The following DDAH1 variants were observed in gnomAD, a reference collection of about 807,000 sequenced individuals.
DDAH1 encodes N(G),N(G)-dimethylarginine dimethylaminohydrolase 1.
In DDAH1, 19 loss-of-function variants were observed where a neutral mutation model predicts 28.8. The ratio of observed to expected loss-of-function variants is 0.66; its 90% CI spans 0.46 to 0.97. The LOEUF (loss-of-function observed/expected upper bound fraction) is 0.97, where lower values mean the gene tolerates loss of function less well. Ranked by LOEUF, DDAH1 falls within the 50% of genes least tolerant of loss-of-function variation. DDAH1 has a pLI of 0.00. For synonymous variants in DDAH1, 153 were observed against 154.4 expected, an observed-to-expected ratio of 0.99 and a Z score of 0.07; for missense variants, 326 against 375.9, an observed-to-expected ratio of 0.87 and a Z score of 1.10.
At chr1:85,503,542 T>C (rs149801162) in intron 1 of DDAH1, among the ~76,000 whole-genome samples, 1 of 149,184 alleles carries the variant, frequency 6.7e-6, no homozygotes, top group Admixed American at 6.7e-5. Flanking sequence ...TCTATCTATC[T>C]ATCTATCTAT....
chr1:85,384,143 TG>T (rs1651135265), intron 1 of DDAH1, among the ~76,000 whole-genome samples: 1 of 152,232 alleles, frequency 6.6e-6, no homozygotes, highest in African/African-American at 2.4e-5. Context: ...CTCTCCTTTC[TG>T]GCTTTTAGGA....
At chr1:85,448,408 G>C (rs190563480) in intron 1 of DDAH1, among the ~76,000 whole-genome samples, 1 of 152,282 alleles carries the variant, frequency 6.6e-6, no homozygotes, top group East Asian at 1.9e-4. Context: ...GAGAGGTTCT[G>C]AAAATCTGGT....
intron 4 of DDAH1, among the ~76,000 whole-genome samples, chr1:85,328,290 T>C (rs1647537172): frequency 6.6e-6 from 1 of 152,184 alleles, no homozygotes; most frequent in Admixed American, 6.5e-5. Flanking sequence ...AGAAAAACTT[T>C]TGTGTATATC....
At chr1:85,366,423 T>C (rs1421111760) in intron 1 of DDAH1, among the ~76,000 whole-genome samples, 1 of 152,156 alleles carries the variant, frequency 6.6e-6, no homozygotes, top group Non-Finnish European at 1.5e-5. Flanking sequence ...TTTCCAAACA[T>C]ATGGGTTTAT....
intron 1 of DDAH1, among the ~76,000 whole-genome samples, chr1:85,461,160 G>T (rs566157222): frequency 7.9e-5 from 12 of 152,242 alleles, no homozygotes; most frequent in Admixed American, 1.3e-4. Context: ...TAAAAAGTAA[G>T]TTGGAGTCAT....
chr1:85,470,947 T>C (rs748308180), intron 2 of DDAH1, among the ~76,000 whole-genome samples: 39 of 152,340 alleles, frequency 2.6e-4, no homozygotes, highest in Middle Eastern at 3.4e-3. Context: ...ATTTGATTCC[T>C]GGCCCTCCTA....
intron 1 of DDAH1, among the ~76,000 whole-genome samples, chr1:85,458,768 T>C (rs1655007586): frequency 1.3e-5 from 2 of 152,110 alleles, no homozygotes; most frequent in African/African-American, 4.8e-5. Context: ...GAGGATTCAG[T>C]TATGTAAGTA....
chr1:85,527,076 G>T (rs2244256), intron 1 of DDAH1, among the ~76,000 whole-genome samples: 1 of 152,166 alleles, frequency 6.6e-6, no homozygotes. Flanking sequence ...TTGCTAAGGA[G>T]AACTTTGTTT....
At chr1:85,567,114 A>G (rs1659328498) in intron 1 of DDAH1, among the ~76,000 whole-genome samples, 1 of 152,238 alleles carries the variant, frequency 6.6e-6, no homozygotes, top group Non-Finnish European at 1.5e-5. Flanking sequence ...CACTCACATC[A>G]GAGAGCACCA....
At chr1:85,472,753 G>A (rs7547650) in intron 2 of DDAH1, among the ~76,000 whole-genome samples, 16,879 of 152,070 alleles carry the variant, frequency 0.11, 1,037 homozygotes, top group East Asian at 0.22. Context: ...GCGGGTACAT[G>A]TGCGGGTTTG....
chr1:85,439,815 G>A (rs1260234923), intron 1 of DDAH1, among the ~76,000 whole-genome samples: 2 of 152,164 alleles, frequency 1.3e-5, no homozygotes, highest in Non-Finnish European at 2.9e-5. Context: ...AATGAATGGA[G>A]TTTTTACTAA....
chr1:85,441,370 G>A (rs553232061), intron 1 of DDAH1, among the ~76,000 whole-genome samples: 5 of 151,988 alleles, frequency 3.3e-5, no homozygotes, highest in East Asian at 1.9e-4. Flanking sequence ...GTGAAACCCC[G>A]TCTCTACCAA....
chr1:85,566,757 AATGT>A (rs1659316615), intron 1 of DDAH1, among the ~76,000 whole-genome samples: 1 of 152,060 alleles, frequency 6.6e-6, no homozygotes, highest in Non-Finnish European at 1.5e-5. Flanking sequence ...GAACCAGAAA[AATGT>A]ATGTATGTAT....
intron 1 of DDAH1, among the ~76,000 whole-genome samples, chr1:85,388,847 T>C (rs1651406142): frequency 6.6e-6 from 1 of 152,224 alleles, no homozygotes; most frequent in African/African-American, 2.4e-5. Flanking sequence ...ACTGACAGTC[T>C]GTTTAAAGTT....
At chr1:85,376,336 GA>G (rs1282297104) in intron 1 of DDAH1, among the ~76,000 whole-genome samples, 1 of 152,154 alleles carries the variant, frequency 6.6e-6, no homozygotes, top group East Asian at 1.9e-4. Context: ...CCTGCCTGAT[GA>G]GTAGTTTATC....
chr1:85,481,497 T>C (rs984402973), intron 2 of DDAH1, among the ~76,000 whole-genome samples: 20 of 152,232 alleles, frequency 1.3e-4, no homozygotes, highest in Non-Finnish European at 2.4e-4. Context: ...ATACAAGATG[T>C]TATGAGAATA....
At chr1:85,576,985 GC>G in intron 1 of DDAH1, 1 of 154,764 alleles carries the variant, frequency 6.5e-6, no homozygotes, top group Non-Finnish European at 1.4e-5. Flanking sequence ...CACCGCCACC[GC>G]CCCCCGAAGC....
At chr1:85,409,833 A>C (rs1224291154) in intron 1 of DDAH1, among the ~76,000 whole-genome samples, 1 of 152,214 alleles carries the variant, frequency 6.6e-6, no homozygotes, top group African/African-American at 2.4e-5. Context: ...ACCTATGCTA[A>C]AGTTTTTGTC....
intron 1 of DDAH1, among the ~76,000 whole-genome samples, chr1:85,420,777 T>C (rs906979705): frequency 6.6e-6 from 1 of 152,190 alleles, no homozygotes; most frequent in African/African-American, 2.4e-5. Context: ...GTTACCTAAT[T>C]CCACATTTTC....
Sources: gnomAD v4.1 joint callset for allele counts (sites outside exome capture counted in the v4.1 genomes callset) on GRCh38, gnomAD v4.1.1 for gene constraint, MANE v1.5 for transcripts, NCBI Gene and HGNC (gene_info 2026-07-23, HGNC 2026-07-21) for gene names.